Variants in GSG1L observed in about 807,000 individuals in gnomAD.
GSG1L encodes germ cell-specific gene 1-like protein.
GSG1L carries 24 observed loss-of-function variants against 42.1 expected under a neutral mutation model. The ratio of observed to expected loss-of-function variants is 0.57; its 90% CI spans 0.41 to 0.80. The LOEUF (loss-of-function observed/expected upper bound fraction) is 0.80, where lower values mean the gene tolerates loss of function less well. Among genes scored for constraint, GSG1L ranks in the 30% least tolerant of loss-of-function variants. The pLI, the probability that GSG1L is intolerant of heterozygous loss-of-function variation, is 0.00. For missense variants in GSG1L, 445 were observed against 472.2 expected (o/e 0.94, Z 0.53); for synonymous variants, 215 against 203.5 (o/e 1.06, Z -0.48).
intron 2 of GSG1L, among the ~76,000 whole-genome samples, chr16:27,905,029 A>G (rs2141045941): frequency 6.6e-6 from 1 of 152,344 alleles, no homozygotes; most frequent in Admixed American, 6.5e-5. Context: ...TTGAAAAAAT[A>G]ATGAATTCAA....
chr16:27,909,971 T>G lies in GSG1L; in HGVS notation c.398-25333A>C, dbSNP rs1414943494. Among the ~76,000 whole-genome samples the G allele has an allele frequency of 5.4e-5, 8 of 148,460 alleles. No individual in the cohort carries two copies. The South Asian group carries it at 1.1e-3, about 20-fold the overall frequency. On this transcript the variant is annotated intron_variant, in intron 2 of 6. Transcript: ENST00000447459. ...CTTTTCTTTCTTTTTTTTTTTTTTT[T>G]TTTGTTTAGACAGAGTCTTGCTCTG...
intron 3 of GSG1L, 83 bp from the exon 4 acceptor site, chr16:27,845,144 C>CCTGCCTGT: frequency 2.3e-6 from 2 of 883,512 alleles, no homozygotes; most frequent in Non-Finnish European, 1.8e-6. Flanking sequence ...CTGCTGCCTG[C>CCTGCCTGT]CTGCCTGTCT....
chr16:28,007,615 T>G (rs1394454545), intron 1 of GSG1L, among the ~76,000 whole-genome samples: 3 of 152,064 alleles, frequency 2.0e-5, no homozygotes, highest in Non-Finnish European at 2.9e-5. Flanking sequence ...CAGGCTCAGG[T>G]GATCCTGCCA....
chr16:27,807,870 G>A (rs529336938), intron 5 of GSG1L, among the ~76,000 whole-genome samples: 16 of 152,218 alleles, frequency 1.1e-4, no homozygotes, highest in East Asian at 7.7e-4. Flanking sequence ...AATTATTTGC[G>A]AATGGTATAT....
At chr16:27,899,357 C>T (rs1395535149) in intron 2 of GSG1L, among the ~76,000 whole-genome samples, 1 of 152,174 alleles carries the variant, frequency 6.6e-6, no homozygotes, top group Non-Finnish European at 1.5e-5. Flanking sequence ...AGACAAGTTA[C>T]CTCGCCTCTC....
intron 1 of GSG1L, among the ~76,000 whole-genome samples, chr16:27,969,470 C>A (rs960928399): frequency 1.3e-5 from 2 of 152,184 alleles, no homozygotes; most frequent in Admixed American, 1.3e-4. Flanking sequence ...TATAATCATA[C>A]AATACAATCA....
chr16:27,961,945 C>G lies in GSG1L; in HGVS notation c.397+1211G>C, dbSNP rs192189966. 2.0e-3 allele frequency among the ~76,000 whole-genome samples: 309 copies of G among 152,304 alleles called. 4 individuals carry two copies. Among genetic ancestry groups the G allele is most frequent in the African/African-American group, 6.9e-3 (286 of 41,582 alleles). Reference sequence around the variant, plus strand: ...CTGGAGCGCTCCAAAAAGACAGTGTCTGCAAAACAGAATGTCACCAGCTTC... The same window carrying G: ...CTGGAGCGCTCCAAAAAGACAGTGTGTGCAAAACAGAATGTCACCAGCTTC... On this transcript the variant is annotated intron_variant, in intron 2 of 6. Transcript: ENST00000447459.
intron 2 of GSG1L, among the ~76,000 whole-genome samples, chr16:27,888,446 T>TCTC (rs2084062065): frequency 2.8e-5 from 1 of 35,444 alleles, no homozygotes; most frequent in Non-Finnish European, 7.3e-5. Context: ...CTTTCTTTCT[T>TCTC]TCTTTCTTTC....
At chr16:27,826,128 A>C (rs891588854) in intron 5 of GSG1L, among the ~76,000 whole-genome samples, 2 of 152,188 alleles carry the variant, frequency 1.3e-5, no homozygotes, top group African/African-American at 4.8e-5. Flanking sequence ...GCCTCACGGA[A>C]GCATCCCGTG....
Position 27,788,410 on chromosome 16 carries a change from A to C in GSG1L, c.*2960T>G, listed in dbSNP as rs1183169627. 6.6e-6 allele frequency: 1 copy of C among 152,232 alleles called. No individual in the cohort carries two copies. The highest frequency in any genetic ancestry group is 2.4e-5 in the African/African-American group (1 of 41,432). 9.4% of individuals were successfully genotyped at this position (152,232 alleles called of 1,614,324 possible). On this transcript the variant is annotated 3_prime_UTR_variant, in exon 7 of 7. Transcript: ENST00000447459. ...AGGCGCATCCCAGTCTGCTAAAAGC[A>C]TCTCACTGCCCACTCCCCATTGCCC...
At chr16:27,851,464 G>A (rs952197186) in intron 3 of GSG1L, among the ~76,000 whole-genome samples, 6 of 152,020 alleles carry the variant, frequency 3.9e-5, no homozygotes, top group Non-Finnish European at 8.8e-5. Context: ...CCAAAGTGCC[G>A]GGATCCAAGC....
intron 2 of GSG1L, among the ~76,000 whole-genome samples, chr16:27,952,580 A>G (rs2084962008): frequency 6.6e-6 from 1 of 152,192 alleles, no homozygotes; most frequent in South Asian, 2.1e-4. Context: ...GGATTCACAT[A>G]AGGGACTGTA....
At chr16:28,031,785 AG>A (rs1329275900) in intron 1 of GSG1L, among the ~76,000 whole-genome samples, 1 of 152,236 alleles carries the variant, frequency 6.6e-6, no homozygotes, top group Non-Finnish European at 1.5e-5. Flanking sequence ...CTTATATAAA[AG>A]TTAACATAAA....
chr16:28,062,230 G>A (rs956104648), intron 1 of GSG1L, among the ~76,000 whole-genome samples: 10 of 152,294 alleles, frequency 6.6e-5, no homozygotes, highest in Admixed American at 3.3e-4. Context: ...GCCACAGCCC[G>A]GCTGTCTGCC....
At chr16:28,013,023 G>A (rs561786827) in intron 1 of GSG1L, among the ~76,000 whole-genome samples, 4 of 152,044 alleles carry the variant, frequency 2.6e-5, no homozygotes, top group South Asian at 4.2e-4. Context: ...TCAGGAGTTC[G>A]AGACCAGCCT....
intron 1 of GSG1L, among the ~76,000 whole-genome samples, chr16:27,992,574 G>A (rs571805135): frequency 1.4e-3 from 208 of 152,114 alleles, no homozygotes; most frequent in African/African-American, 4.7e-3. Flanking sequence ...TACCACTTCT[G>A]TTACTAAGTT....
chr16:27,953,450 G>A (rs1279661075), intron 2 of GSG1L, among the ~76,000 whole-genome samples: 1 of 152,202 alleles, frequency 6.6e-6, no homozygotes, highest in Non-Finnish European at 1.5e-5. Context: ...GAGCATTGAG[G>A]AATGGATTTT....
intron 3 of GSG1L, 79 bp from the exon 4 acceptor site, chr16:27,845,140 C>A (rs2083429136): frequency 1.1e-6 from 1 of 889,454 alleles, no homozygotes; most frequent in East Asian, 2.7e-5. Flanking sequence ...CTCTCTGCTG[C>A]CTGCCTGCCT....
At chr16:27,794,199 G>A (rs914027644) in intron 6 of GSG1L, among the ~76,000 whole-genome samples, 5 of 151,934 alleles carry the variant, frequency 3.3e-5, no homozygotes, top group African/African-American at 1.2e-4. Context: ...TTTATTTTTT[G>A]TAGAGATGGG....
Sources: allele counts gnomAD v4.1 joint callset (sites outside exome capture counted in the v4.1 genomes callset), GRCh38; gene constraint gnomAD v4.1.1; transcripts MANE v1.5; gene names NCBI Gene and HGNC (gene_info 2026-07-23, HGNC 2026-07-21).